Variants in DACT1 observed in about 807,000 individuals in gnomAD.
DACT1 encodes the protein dapper homolog 1.
In DACT1, 19 loss-of-function variants were observed where a neutral mutation model predicts 35.3. The ratio of observed to expected loss-of-function variants is 0.54; its 90% CI spans 0.38 to 0.79. DACT1 has a LOEUF of 0.79. DACT1 is among the 30% of genes least tolerant of loss of function. The pLI is 0.00. For synonymous variants in DACT1, 545 were observed against 466.7 expected, an observed-to-expected ratio of 1.17 and a Z score of -2.16; for missense variants, 1,143 against 1,057.5, an observed-to-expected ratio of 1.08 and a Z score of -1.12.
At chr14:58,636,319 T>C (rs1437456758), upstream of DACT1, among the ~76,000 whole-genome samples, 1 of 152,212 alleles carries the variant, frequency 6.6e-6, no homozygotes, top group Non-Finnish European at 1.5e-5. Context: ...AAAAAACAAT[T>C]TACAACCAAT....
chr14:58,637,534 A>T (rs1353352748), upstream of DACT1, among the ~76,000 whole-genome samples: 1 of 152,202 alleles, frequency 6.6e-6, no homozygotes, highest in Non-Finnish European at 1.5e-5. Context: ...CCGTGTGGGG[A>T]AAGGGTTAAG....
chr14:58,645,817 G>C lies in DACT1; in HGVS notation c.1083G>C (p.Ala361=). 1 of 1,614,256 alleles carries C rather than the reference G, an allele frequency of 6.2e-7. No individual in the cohort carries two copies. ...NSVNLKNSKQ[A]CLPSGGIPSL... is the part of the protein sequence containing the mutation. ...TGAACCTTAAGAATTCGAAACAGGC[G>C]TGTCTGCCCTCTGGCGGGATACCTT... The change falls in exon 4 of 4, where the codon GCG becomes GCC. Residue 361 remains alanine, a synonymous_variant. Coordinates refer to ENST00000395153, the MANE Select transcript of DACT1 (RefSeq NM_001079520.2).
At chr14:58,636,535 G>A (rs1256998727), upstream of DACT1, among the ~76,000 whole-genome samples, 1 of 152,074 alleles carries the variant, frequency 6.6e-6, no homozygotes, top group Non-Finnish European at 1.5e-5. Flanking sequence ...CAGGTAGCAT[G>A]GGATCAGAAT....
Position 58,646,260 on chromosome 14 carries a change from C to T in DACT1, c.1526C>T (p.Ser509Phe), listed in dbSNP as rs552507961. The stretch of plus-strand genomic sequence containing the variant: ...TTGGATTTCAAGAGCGAGGGCTCTT[C>T]CCAAAGCCTGGAGGAAGCGCACCTG... ...PALDFKSEGS[S>F]QSLEEAHLVK... The change falls in exon 4 of 4, where the codon TCC becomes TTC. Residue 509 changes from serine to phenylalanine, a missense_variant. Coordinates refer to ENST00000395153, the MANE Select transcript of DACT1 (RefSeq NM_001079520.2). 5.5e-5 allele frequency: 88 copies of T among 1,613,912 alleles called. 1 individual carries two copies. The highest frequency in any genetic ancestry group is 3.8e-4 in the South Asian group (35 of 91,030).
intron 3 of DACT1, among the ~76,000 whole-genome samples, chr14:58,642,491 A>AAAAACAG (rs1255753100): frequency 6.6e-6 from 1 of 150,472 alleles, no homozygotes; most frequent in Non-Finnish European, 1.5e-5. Context: ...ACAAAAAACA[A>AAAAACAG]AAGACCAGCC....
chr14:58,647,272 A>T lies in DACT1; in HGVS notation c.*138A>T. 9.5e-7 allele frequency: 1 copy of T among 1,050,446 alleles called. No individual in the cohort carries two copies. 65.1% of individuals were successfully genotyped at this position (1,050,446 alleles called of 1,614,324 possible). On this transcript the variant is annotated 3_prime_UTR_variant, in exon 4 of 4. Transcript: ENST00000395153. ...AAAAAATATAAAACCAAGGTAAATT[A>T]TTGTTTCATCTTCACGTATGGATGC...
In DACT1 at chr14:58,646,182, C is replaced by G. The variant is rs559985582; in HGVS notation, c.1448C>G (p.Pro483Arg). 1.2e-6 allele frequency: 2 copies of G among 1,613,660 alleles called. No individual in the cohort carries two copies. Among genetic ancestry groups the G allele is most frequent in the South Asian group, 2.2e-5 (2 of 91,028 alleles). The change falls in exon 4 of 4, where the codon CCG (proline) becomes CGG (arginine). Residue 483 changes from proline to arginine, a missense_variant. Around this residue, in one of 3 missense-constraint regions of DACT1, gnomAD observed 1,054 missense variants for 958.8 expected, o/e 1.10. Transcript: ENST00000395153. Reference protein sequence around the residue: ...SQKNSLQGVPPATPPLLSTAF... With the variant: ...SQKNSLQGVPRATPPLLSTAF... ...AAAAACAGCCTGCAGGGCGTCCCCCCGGCCACTCCTCCCCTGCTGTCTACA... is the reference window on the plus strand; with the variant it reads ...AAAAACAGCCTGCAGGGCGTCCCCCGGGCCACTCCTCCCCTGCTGTCTACA...
In DACT1 at chr14:58,645,502, G is replaced by A. The variant is rs1595599973; in HGVS notation, c.768G>A (p.Arg256=). Residue 256 remains arginine, a synonymous_variant, in exon 4 of 4, where the codon AGG becomes AGA. Transcript: ENST00000395153. The part of the protein sequence containing the change: ...FLLCLTGNPL[R]EEDRLGNHAS... ...TTTGTCTGACGGGCAACCCTCTGAGGGAAGAGGACAGGCTTGGAAACCATG... is the reference window on the plus strand; with the variant it reads ...TTTGTCTGACGGGCAACCCTCTGAGAGAAGAGGACAGGCTTGGAAACCATG... The A allele has an allele frequency of 1.9e-6, 3 of 1,614,198 alleles. No individual in the cohort carries two copies. In the African/African-American group the frequency reaches 4.0e-5, roughly 22 times the overall value.
chr14:58,646,824 TC>T lies in DACT1; in HGVS notation c.2092del (p.His698ThrfsTer27). ...SEYSAECESL[F>X]HSTVVDTSED... ...TACTCGGCCGAGTGCGAGTCCCTGT[TC>T]CACTCCACCGTGGTGGACACCAGTG... is the stretch of plus-strand genomic sequence containing the variant. On this transcript the variant is annotated frameshift_variant, in exon 4 of 4. Transcript: ENST00000395153. LOFTEE classifies it high-confidence loss of function. 1 of 1,614,102 alleles carries T rather than the reference TC, an allele frequency of 6.2e-7. No homozygotes were observed. The highest frequency in any genetic ancestry group is 8.5e-7 in the Non-Finnish European group (1 of 1,180,012).
chr14:58,638,402 T>G lies in DACT1; in HGVS notation c.200T>G (p.Leu67Arg). Residue 67 changes from leucine to arginine, a missense_variant, in exon 1 of 4, where the codon CTG (leucine) becomes CGG (arginine). Leu to Arg is a moderately radical substitution (Grantham distance 102). Coordinates refer to ENST00000395153, the MANE Select transcript of DACT1 (RefSeq NM_001079520.2). ...GAGTACCTGCGCCAGCGCCAAGAGC[T>G]GCTGGTCAGGGGCGCCCTGCGCGGC... ...ELEYLRQRQE[L>R]LVRGALRGAG... 1 of 1,308,590 alleles carries G rather than the reference T, an allele frequency of 7.6e-7. No homozygotes were observed. Among genetic ancestry groups the G allele is most frequent in the Non-Finnish European group, 9.7e-7 (1 of 1,029,604 alleles). 81.1% of individuals were successfully genotyped at this position (1,308,590 alleles called of 1,614,324 possible). A position where few individuals can be genotyped will look rare whatever the true frequency, so the allele number is the denominator to read the frequency against.
chr14:58,639,595 GTTT>G (rs1401332153), intron 1 of DACT1, among the ~76,000 whole-genome samples: 2 of 152,110 alleles, frequency 1.3e-5, no homozygotes, highest in African/African-American at 4.8e-5. Flanking sequence ...GTGTGTGTGT[GTTT>G]TTAAGCACCA....
At chr14:58,640,393 G>A (rs976147400) in intron 1 of DACT1, among the ~76,000 whole-genome samples, 1 of 152,152 alleles carries the variant, frequency 6.6e-6, no homozygotes, top group African/African-American at 2.4e-5. Context: ...GTGAAGTATT[G>A]TTTTTTAAAA....
Position 58,645,444 on chromosome 14 carries a change from A to G in DACT1, c.710A>G (p.His237Arg). 6.2e-7 allele frequency: 1 copy of G among 1,614,194 alleles called. No homozygotes were observed. Among genetic ancestry groups the G allele is most frequent in the Non-Finnish European group, 8.5e-7 (1 of 1,180,030 alleles). The change falls in exon 4 of 4, where the codon CAT becomes CGT. Residue 237 changes from histidine (H) to arginine (R), a missense_variant. Physicochemically the swap from His to Arg is conservative, Grantham distance 29 (BLOSUM62 0). Coordinates refer to ENST00000395153, the MANE Select transcript of DACT1 (RefSeq NM_001079520.2). ...NDVYRYPSPL[H>R]AVAVQSPMFL... Reference sequence around the variant, plus strand: ...GTATATCGCTATCCCAGTCCACTTCATGCTGTGGCTGTGCAGAGCCCAATG... The same window carrying G: ...GTATATCGCTATCCCAGTCCACTTCGTGCTGTGGCTGTGCAGAGCCCAATG...
rs752265026 is a variant in DACT1 at position 58,646,691 on chromosome 14, G to C, written c.1957G>C (p.Ala653Pro). 187 of 1,613,008 alleles carry C rather than the reference G, an allele frequency of 1.2e-4. No homozygotes were observed. The highest frequency in any genetic ancestry group is 2.7e-4 in the South Asian group (25 of 91,076). Residue 653 changes from alanine (A) to proline (P), a missense_variant, in exon 4 of 4, where the codon GCC becomes CCC. Ala to Pro is a conservative substitution (Grantham distance 27). This residue lies in a region of DACT1 where 1,054 missense variants were observed against 958.8 expected (regional missense o/e 1.10). Coordinates refer to ENST00000395153, the MANE Select transcript of DACT1 (RefSeq NM_001079520.2). ...CTCGGCCGAGATTTCCTACGAAGAG[G>C]CCCTGAGGAGGGCCCGGCGCGGTCG... ...KSSAEISYEE[A>P]LRRARRGRRE...
In DACT1 at chr14:58,638,369, C is replaced by T; in HGVS notation, c.167C>T (p.Ala56Val). 3.1e-6 allele frequency: 4 copies of T among 1,305,192 alleles called. No homozygotes were observed. The highest frequency in any genetic ancestry group is 1.5e-5 in the African/African-American group (1 of 64,836). The allele number at this position is 1,305,192 out of a possible 1,614,324, so 80.9% of individuals were successfully genotyped here. The change falls in exon 1 of 4, where the codon GCG (alanine) becomes GTG (valine). Residue 56 changes from alanine (A) to valine (V), a missense_variant. Around this residue, in one of 3 missense-constraint regions of DACT1, gnomAD observed 4 missense variants for 16.9 expected, o/e 0.24. Coordinates refer to ENST00000395153, the MANE Select transcript of DACT1 (RefSeq NM_001079520.2). ...ERQEATLAGL[A>V]ELEYLRQRQE... is the part of the protein sequence containing the mutation. ...CAGGAGGCCACGCTGGCCGGGCTGG[C>T]GGAGCTGGAGTACCTGCGCCAGCGC...
rs200032780 is a variant in DACT1, at chr14:58,646,858, G to A, written c.2124G>A (p.Glu708=). 15 of 1,614,236 alleles carry A rather than the reference G, an allele frequency of 9.3e-6. No homozygotes were observed. The Admixed American group carries it at 2.5e-4, about 27-fold the overall frequency. ...CCGTGGTGGACACCAGTGAGGACGA[G>A]CAGAGCAATTACACCACCAACTGCT... The part of the protein sequence containing the change: ...HSTVVDTSED[E]QSNYTTNCFG... The change falls in exon 4 of 4, where the codon GAG becomes GAA. Residue 708 remains glutamate, a synonymous_variant. Transcript: ENST00000395153.
intron 1 of DACT1, 120 bp downstream of exon 1, chr14:58,638,667 G>C: frequency 8.2e-7 from 1 of 1,214,794 alleles, no homozygotes. Context: ...GTTATGGGAC[G>C]CCCCCGACCG....
At chr14:58,638,924 C>T in intron 1 of DACT1, 8 of 1,003,568 alleles carry the variant, frequency 8.0e-6, no homozygotes, top group Non-Finnish European at 9.5e-6. Flanking sequence ...CTTAAAATAC[C>T]ATTTTATTTG....
upstream of DACT1, among the ~76,000 whole-genome samples, chr14:58,636,180 G>A (rs879580925): frequency 1.1e-4 from 17 of 152,126 alleles, no homozygotes; most frequent in South Asian, 1.5e-3. Flanking sequence ...TCTGTGGGAG[G>A]CAGCAATGGG....
Sources: gnomAD v4.1 joint callset for allele counts (sites outside exome capture counted in the v4.1 genomes callset) on GRCh38, gnomAD v4.1.1 for gene constraint, gnomAD v4.1.1 regional missense constraint, MANE v1.5 for transcripts, NCBI Gene and HGNC (gene_info 2026-07-23, HGNC 2026-07-21) for gene names.